TENM1: variants seen among roughly 807,000 people sequenced by gnomAD.
TENM1 encodes the protein teneurin-1.
Under a neutral mutation model 174.8 loss-of-function variants are expected in TENM1, and 35 were observed. The observed-to-expected ratio is 0.20, with a 90% confidence interval of 0.15 to 0.27. The LOEUF (loss-of-function observed/expected upper bound fraction) is 0.27, where lower values mean the gene tolerates loss of function less well. Ranked by LOEUF, TENM1 falls within the 10% of genes least tolerant of loss-of-function variation. The pLI, the probability that TENM1 is intolerant of heterozygous loss-of-function variation, is 1.00. For missense variants in TENM1, 1,633 were observed against 2,130.1 expected, an observed-to-expected ratio of 0.77 and a Z score of 4.59; for synonymous variants, 781 against 798.7, an observed-to-expected ratio of 0.98 and a Z score of 0.37.
the TENM1 span, among the ~76,000 whole-genome samples, chrX:125,193,985 T>A: frequency 8.1e-5 from 9 of 110,707 alleles, no homozygotes; most frequent in East Asian, 2.6e-3. Flanking sequence ...GGTCTCACTA[T>A]GTTGCCCAAG....
chrX:124,503,436 G>A (rs951890556), intron 19 of TENM1, 124 bp downstream of exon 22: 37 of 552,522 alleles, frequency 6.7e-5, no homozygotes, highest in Non-Finnish European at 9.4e-5. Context: ...TGTTTAATGC[G>A]GTCATCTCTA....
intron 15 of TENM1, among the ~76,000 whole-genome samples, chrX:124,542,279 C>T (rs979099196): frequency 4.4e-5 from 5 of 112,552 alleles, no homozygotes; most frequent in African/African-American, 9.7e-5. Context: ...GAGAACAAAT[C>T]GGACTTGGTC....
intron 22 of TENM1, among the ~76,000 whole-genome samples, chrX:124,472,529 T>C (rs1415113561): frequency 3.7e-5 from 4 of 109,560 alleles, no homozygotes; most frequent in Non-Finnish European, 7.6e-5. Flanking sequence ...GAATCAATTG[T>C]TCAATTATAA....
intron 20 of TENM1, among the ~76,000 whole-genome samples, chrX:124,490,256 G>A (rs771491389): frequency 1.8e-5 from 2 of 111,796 alleles, no homozygotes; most frequent in East Asian, 2.8e-4. Context: ...GGGAATCCTT[G>A]AGTACCACTG....
At chrX:124,383,644 C>T in exon 30 of TENM1, 1 of 1,208,652 alleles carries the variant, frequency 8.3e-7, no homozygotes, top group Non-Finnish European at 1.1e-6. Context: ...CTGTGGTATA[C>T]TTTGCAACAT....
At chrX:124,853,946 G>T (rs1187821516) in intron 3 of TENM1, among the ~76,000 whole-genome samples, 1 of 111,235 alleles carries the variant, frequency 9.0e-6, no homozygotes, top group African/African-American at 3.3e-5. Context: ...GTTCACGGTT[G>T]AAATAGGGTA....
intron 3 of TENM1, among the ~76,000 whole-genome samples, chrX:124,760,221 A>T (rs1409535137): frequency 9.0e-6 from 1 of 110,843 alleles, no homozygotes; most frequent in African/African-American, 3.3e-5. Flanking sequence ...TGCCCAGTAA[A>T]TTCCACTCCT....
chrX:124,916,373 T>A (rs1424857536), intron 1 of TENM1, among the ~76,000 whole-genome samples: 1 of 111,163 alleles, frequency 9.0e-6, no homozygotes, highest in African/African-American at 3.3e-5. Flanking sequence ...AGTAGCATCA[T>A]CATAGCTCAC....
chrX:125,197,540 C>A, the TENM1 span, among the ~76,000 whole-genome samples: 4 of 111,009 alleles, frequency 3.6e-5, no homozygotes, highest in South Asian at 1.1e-3. Flanking sequence ...AAGAAGATAC[C>A]AATATTATGA....
chrX:125,050,286 T>C, the TENM1 span, among the ~76,000 whole-genome samples: 1 of 109,922 alleles, frequency 9.1e-6, no homozygotes, highest in Non-Finnish European at 1.9e-5. Flanking sequence ...ACATTAGGTA[T>C]ATCTCCTAAT....
At chrX:124,931,530 G>A (rs1284961493) in intron 1 of TENM1, among the ~76,000 whole-genome samples, 1 of 111,245 alleles carries the variant, frequency 9.0e-6, no homozygotes, top group African/African-American at 3.3e-5. Flanking sequence ...CAAGAAAAGG[G>A]TAGGATGACT....
chrX:124,650,809 T>C (rs1187207853), intron 8 of TENM1, among the ~76,000 whole-genome samples: 1 of 112,122 alleles, frequency 8.9e-6, no homozygotes, highest in South Asian at 3.7e-4. Context: ...ACAAATATTT[T>C]GTCTTTTGAA....
At chrX:125,019,939 T>G in the TENM1 span, among the ~76,000 whole-genome samples, 131 of 111,569 alleles carry the variant, frequency 1.2e-3, no homozygotes, top group Non-Finnish European at 1.7e-3. Flanking sequence ...TCAGAAAATA[T>G]AGGTTGAGTT....
intron 3 of TENM1, among the ~76,000 whole-genome samples, chrX:124,746,245 A>G (rs953461419): frequency 1.8e-5 from 2 of 112,105 alleles, no homozygotes; most frequent in Non-Finnish European, 3.8e-5. Context: ...ATGATGCCAA[A>G]TAACTTATTT....
the TENM1 span, among the ~76,000 whole-genome samples, chrX:125,143,372 T>C: frequency 2.7e-5 from 3 of 112,171 alleles, no homozygotes; most frequent in Non-Finnish European, 5.6e-5. Flanking sequence ...TTTCCTGATA[T>C]AGACTCAGTT....
chrX:124,505,450 C>A (rs2047425680), intron 18 of TENM1, among the ~76,000 whole-genome samples: 1 of 111,540 alleles, frequency 9.0e-6, no homozygotes, highest in Admixed American at 9.6e-5. Context: ...TGGTACAAAT[C>A]AATACTGTCT....
the TENM1 span, among the ~76,000 whole-genome samples, chrX:125,042,422 T>G: frequency 9.0e-6 from 1 of 111,455 alleles, no homozygotes; most frequent in African/African-American, 3.3e-5. Flanking sequence ...ATATTCTGAT[T>G]TAATAGCAGA....
exon 30 of TENM1, chrX:124,383,763 C>T: frequency 8.3e-7 from 1 of 1,210,934 alleles, no homozygotes; most frequent in Non-Finnish European, 1.1e-6. Flanking sequence ...GTCCATCTGC[C>T]AGCAACAACA....
chrX:124,993,819 C>A, the TENM1 span, among the ~76,000 whole-genome samples: 1 of 110,682 alleles, frequency 9.0e-6, no homozygotes, highest in Non-Finnish European at 1.9e-5. Context: ...TGCATGCACA[C>A]ACACACACAC....
Sources: gnomAD v4.1 joint callset for allele counts (sites outside exome capture counted in the v4.1 genomes callset) on GRCh38, gnomAD v4.1.1 for gene constraint, MANE v1.5 for transcripts, NCBI Gene and HGNC (gene_info 2026-07-23, HGNC 2026-07-21) for gene names.